Variants in EPS15 observed in about 807,000 individuals in gnomAD.
The protein encoded by EPS15 is epidermal growth factor receptor substrate 15.
In EPS15, 72 loss-of-function variants were observed where a neutral mutation model predicts 113.8. That is an observed-to-expected ratio of 0.63 (90% CI 0.52 to 0.77). EPS15 has a LOEUF of 0.77. Ranked by LOEUF, EPS15 falls within the 30% of genes least tolerant of loss-of-function variation. The pLI, the probability that EPS15 is intolerant of heterozygous loss-of-function variation, is 0.00. For synonymous variants in EPS15, 344 were observed against 363.4 expected, an observed-to-expected ratio of 0.95 and a Z score of 0.61; for missense variants, 1,048 against 1,045.8, an observed-to-expected ratio of 1.00 and a Z score of -0.03.
At chr1:51,427,585 G>A (rs1651337328) in intron 12 of EPS15, among the ~76,000 whole-genome samples, 1 of 152,162 alleles carries the variant, frequency 6.6e-6, no homozygotes, top group Non-Finnish European at 1.5e-5. Context: ...CCCTGAAGGA[G>A]GTCAGAAAAG....
Position 51,471,712 on chromosome 1 carries a change from C to T in EPS15, c.191G>A (p.Gly64Asp). 6.2e-7 allele frequency: 1 copy of T among 1,610,730 alleles called. No homozygotes were observed. Among genetic ancestry groups the T allele is most frequent in the Non-Finnish European group, 8.5e-7 (1 of 1,177,698 alleles). The change falls in exon 4 of 25, where the codon GGC becomes GAC. Residue 64 changes from glycine (G) to aspartate (D), a missense_variant. Physicochemically the swap from Gly to Asp is moderately conservative, Grantham distance 94. Coordinates refer to ENST00000371733, the MANE Select transcript of EPS15 (RefSeq NM_001981.3). Reference sequence around the variant, plus strand: ...TACTTGTTTGTTCAGGATACCTTTGCCATCTGTGTCGGCTAAATCCCAAAT... The same window carrying T: ...TACTTGTTTGTTCAGGATACCTTTGTCATCTGTGTCGGCTAAATCCCAAAT... ...GKIWDLADTDGKGILNKQEFF... is the reference protein window; with the variant it reads ...GKIWDLADTDDKGILNKQEFF...
chr1:51,394,286 T>C (rs150340576), intron 21 of EPS15, 95 bp downstream of exon 21: 3 of 710,968 alleles, frequency 4.2e-6, no homozygotes, highest in Non-Finnish European at 6.9e-6. Context: ...ATTTTAAAGC[T>C]ATAAATAACA....
intron 21 of EPS15, among the ~76,000 whole-genome samples, chr1:51,387,554 T>C (rs150288359): frequency 0.097 from 14,831 of 152,248 alleles, 790 homozygotes; most frequent in Non-Finnish European, 0.12. Context: ...GACCCATTAG[T>C]GTGCTGTATT....
At chr1:51,517,849 T>C (rs2148575470) in intron 1 of EPS15, among the ~76,000 whole-genome samples, 1 of 152,304 alleles carries the variant, frequency 6.6e-6, no homozygotes, top group Middle Eastern at 3.4e-3. Context: ...ACATGAAGCA[T>C]GTACGTGACT....
At chr1:51,394,333 T>TA (rs751033029) in intron 21 of EPS15, 48 bp downstream of exon 21, 72 of 1,236,228 alleles carry the variant, frequency 5.8e-5, no homozygotes, top group South Asian at 1.7e-4. Flanking sequence ...AAAAGAATCT[T>TA]AAAAAAAATG....
chr1:51,427,771 T>C (rs1161691302), intron 12 of EPS15, among the ~76,000 whole-genome samples: 1 of 152,196 alleles, frequency 6.6e-6, no homozygotes, highest in Non-Finnish European at 1.5e-5. Context: ...ATGGTATTTC[T>C]ACTAGAGAGA....
intron 21 of EPS15, among the ~76,000 whole-genome samples, chr1:51,379,468 G>A (rs1646884733): frequency 6.6e-6 from 1 of 152,162 alleles, no homozygotes; most frequent in Non-Finnish European, 1.5e-5. Context: ...AAACCTTGAA[G>A]GGAGTAGGGG....
At chr1:51,513,298 G>A (rs1644659730) in intron 1 of EPS15, among the ~76,000 whole-genome samples, 1 of 152,164 alleles carries the variant, frequency 6.6e-6, no homozygotes, top group Non-Finnish European at 1.5e-5. Context: ...CCAGCATTAG[G>A]TGGCCAGTAA....
rs376449511 is a variant in EPS15 at position 51,482,050 on chromosome 1, G to A, written c.34-736C>T. 7.4e-4 allele frequency among the ~76,000 whole-genome samples: 113 copies of A among 152,196 alleles called. No homozygotes were observed. In the South Asian group the frequency reaches 0.022, roughly 30 times the overall value. ...CCAGGTGTGGTGGCACATGCCTGTAGTCCCAGCTACTTGGGAGGCTGAGGT... is the reference window on the plus strand; with the variant it reads ...CCAGGTGTGGTGGCACATGCCTGTAATCCCAGCTACTTGGGAGGCTGAGGT... On this transcript the variant is annotated intron_variant, in intron 1 of 24. Coordinates refer to ENST00000371733, the MANE Select transcript of EPS15 (RefSeq NM_001981.3).
intron 1 of EPS15, among the ~76,000 whole-genome samples, chr1:51,508,090 G>A (rs2148559894): frequency 6.6e-6 from 1 of 151,906 alleles, no homozygotes; most frequent in South Asian, 2.1e-4. Flanking sequence ...GCTGAGGCAG[G>A]AGAATTGCTT....
intron 12 of EPS15, chr1:51,423,578 C>T: frequency 1.0e-6 from 1 of 985,384 alleles, no homozygotes; most frequent in Non-Finnish European, 1.2e-6. Context: ...ATCAACTCAG[C>T]TCCTGGTTTC....
intron 21 of EPS15, among the ~76,000 whole-genome samples, chr1:51,383,027 C>T (rs1048526762): frequency 1.3e-5 from 2 of 152,180 alleles, no homozygotes; most frequent in African/African-American, 4.8e-5. Flanking sequence ...GGATTATACA[C>T]CATGTCCAAG....
At chr1:51,379,549 A>G (rs1202575856) in intron 21 of EPS15, among the ~76,000 whole-genome samples, 1 of 152,266 alleles carries the variant, frequency 6.6e-6, no homozygotes, top group Non-Finnish European at 1.5e-5. Flanking sequence ...TCCTTCACAA[A>G]CAAGAGAGAA....
At chr1:51,383,237 A>C (rs1646981659) in intron 21 of EPS15, among the ~76,000 whole-genome samples, 1 of 152,254 alleles carries the variant, frequency 6.6e-6, no homozygotes, top group African/African-American at 2.4e-5. Context: ...ACCTCAACTT[A>C]ATAAAGGCTA....
intron 24 of EPS15, among the ~76,000 whole-genome samples, chr1:51,359,421 C>T (rs1167295210): frequency 8.2e-6 from 1 of 122,500 alleles, no homozygotes; most frequent in Non-Finnish European, 1.6e-5. Context: ...TCCAGCCTGG[C>T]GACAGAGCAA....
At chr1:51,405,831 T>TA (rs1649068144) in intron 16 of EPS15, 74 bp downstream of exon 16, 1 of 1,223,880 alleles carries the variant, frequency 8.2e-7, no homozygotes, top group Admixed American at 1.7e-5. Context: ...GTATTTATAT[T>TA]AGATATAATG....
At chr1:51,427,245 T>C (rs561605593) in intron 12 of EPS15, among the ~76,000 whole-genome samples, 7 of 152,272 alleles carry the variant, frequency 4.6e-5, no homozygotes, top group Non-Finnish European at 8.8e-5. Flanking sequence ...ACAAACCATA[T>C]ATGGGATTGC....
intron 2 of EPS15, among the ~76,000 whole-genome samples, chr1:51,476,960 TG>T (rs1643919595): frequency 6.6e-6 from 1 of 152,228 alleles, no homozygotes; most frequent in Non-Finnish European, 1.5e-5. Flanking sequence ...AGGATGATGC[TG>T]GCCTCATAAA....
At chr1:51,381,992 G>GA (rs1296896384) in intron 21 of EPS15, among the ~76,000 whole-genome samples, 1 of 151,996 alleles carries the variant, frequency 6.6e-6, no homozygotes, top group Admixed American at 6.5e-5. Flanking sequence ...GAAAAATAGA[G>GA]AAAATCAATA....
Sources: allele counts gnomAD v4.1 joint callset (sites outside exome capture counted in the v4.1 genomes callset), GRCh38; gene constraint gnomAD v4.1.1; transcripts MANE v1.5; gene names NCBI Gene and HGNC (gene_info 2026-07-23, HGNC 2026-07-21).